Variants in SPAG16 observed in about 807,000 individuals in gnomAD.
SPAG16 encodes sperm-associated antigen 16 protein.
Under a neutral mutation model 80.4 loss-of-function variants are expected in SPAG16, and 86 were observed. The observed-to-expected ratio is 1.07, with a 90% CI of 0.90 to 1.28. The LOEUF (loss-of-function observed/expected upper bound fraction) is 1.28, where lower values mean the gene tolerates loss of function less well. SPAG16 is among the 50% of genes most tolerant of loss of function. The probability of loss-of-function intolerance (pLI) is 0.00; values close to 1 mark genes in which losing one functional copy is unlikely to be tolerated. For synonymous variants in SPAG16, 294 were observed against 265.9 expected, an observed-to-expected ratio of 1.11 and a Z score of -1.03; for missense variants, 870 against 765.3, an observed-to-expected ratio of 1.14 and a Z score of -1.61.
chr2:213,835,959 T>C (rs2074048769), intron 10 of SPAG16, among the ~76,000 whole-genome samples: 1 of 152,196 alleles, frequency 6.6e-6, no homozygotes, highest in African/African-American at 2.4e-5. Context: ...TATACCCATG[T>C]TTACTAAATT....
At chr2:213,497,194 G>A (rs561911618) in intron 10 of SPAG16, among the ~76,000 whole-genome samples, 12 of 152,112 alleles carry the variant, frequency 7.9e-5, no homozygotes, top group Non-Finnish European at 1.5e-4. Flanking sequence ...TAATATTTAT[G>A]CCATTAAATT....
intron 5 of SPAG16, among the ~76,000 whole-genome samples, chr2:213,323,617 G>T (rs1414272534): frequency 6.6e-6 from 1 of 152,100 alleles, no homozygotes; most frequent in East Asian, 1.9e-4. Context: ...TCCCACTCCT[G>T]GGTATTTATT....
chr2:214,078,995 C>A (rs182743078), intron 13 of SPAG16, among the ~76,000 whole-genome samples: 1 of 152,172 alleles, frequency 6.6e-6, no homozygotes. Context: ...GCTGGGTTAG[C>A]GCTTGGTAAC....
intron 15 of SPAG16, among the ~76,000 whole-genome samples, chr2:214,345,625 A>G (rs2126038780): frequency 6.6e-6 from 1 of 152,220 alleles, no homozygotes; most frequent in East Asian, 1.9e-4. Flanking sequence ...TATACCCCTG[A>G]AACCACTACT....
At chr2:213,593,996 C>T (rs1257204496) in intron 10 of SPAG16, among the ~76,000 whole-genome samples, 1 of 151,262 alleles carries the variant, frequency 6.6e-6, no homozygotes, top group Non-Finnish European at 1.5e-5. Flanking sequence ...AGGATGGTCT[C>T]GATATCCTGA....
chr2:213,435,166 C>G (rs2125502655), intron 9 of SPAG16, among the ~76,000 whole-genome samples: 1 of 152,298 alleles, frequency 6.6e-6, no homozygotes, highest in East Asian at 1.9e-4. Flanking sequence ...AATTGTGTCT[C>G]TTGTAGCAAC....
chr2:213,775,150 G>A (rs530921379), intron 10 of SPAG16, among the ~76,000 whole-genome samples: 2 of 152,246 alleles, frequency 1.3e-5, no homozygotes, highest in South Asian at 4.1e-4. Context: ...AGCATCCTGA[G>A]TCTCTTCTAG....
intron 10 of SPAG16, among the ~76,000 whole-genome samples, chr2:213,609,547 G>A (rs2061375416): frequency 6.6e-6 from 1 of 152,116 alleles, no homozygotes; most frequent in African/African-American, 2.4e-5. Flanking sequence ...TTGCACTCAT[G>A]AACAGCAATC....
chr2:213,624,147 G>T (rs987314774), intron 10 of SPAG16, among the ~76,000 whole-genome samples: 12 of 151,932 alleles, frequency 7.9e-5, no homozygotes, highest in African/African-American at 2.7e-4. Context: ...TCTAGATTTT[G>T]ATTATTAGTA....
intron 12 of SPAG16, among the ~76,000 whole-genome samples, chr2:213,987,688 C>T (rs950274202): frequency 1.3e-5 from 2 of 151,676 alleles, no homozygotes; most frequent in Admixed American, 6.6e-5. Flanking sequence ...GATGAAGGGA[C>T]TGTACTGGGA....
intron 15 of SPAG16, among the ~76,000 whole-genome samples, chr2:214,303,232 C>T (rs948943643): frequency 2.0e-5 from 3 of 152,128 alleles, no homozygotes; most frequent in South Asian, 4.1e-4. Context: ...GAGATTTGTA[C>T]GTACATGTGT....
Position 214,387,911 on chromosome 2 carries a change from A to G in SPAG16, c.1721-22229A>G, listed in dbSNP as rs953349639. 2.0e-5 allele frequency among the ~76,000 whole-genome samples: 3 copies of G among 152,144 alleles called. No individual in the cohort carries two copies. The South Asian group carries it at 6.2e-4, about 31-fold the overall frequency. ...TGGATTATGAGAACTACAATTCAAG[A>G]TGAGATTTGGGTGGGGACACAGCCA... On this transcript the variant is annotated intron_variant, in intron 15 of 15. Transcript: ENST00000331683.
chr2:213,632,396 C>T (rs1040682193), intron 10 of SPAG16, among the ~76,000 whole-genome samples: 1 of 152,074 alleles, frequency 6.6e-6, no homozygotes, highest in African/African-American at 2.4e-5. Flanking sequence ...TTCCAAACAT[C>T]AGATCATATC....
intron 12 of SPAG16, among the ~76,000 whole-genome samples, chr2:213,963,102 T>G (rs935075675): frequency 6.6e-5 from 10 of 151,724 alleles, no homozygotes; most frequent in Non-Finnish European, 1.3e-4. Context: ...TCTTTTTTTT[T>G]TTTTTTAATG....
intron 15 of SPAG16, among the ~76,000 whole-genome samples, chr2:214,271,436 A>G (rs1234194100): frequency 6.6e-6 from 1 of 152,154 alleles, no homozygotes; most frequent in African/African-American, 2.4e-5. Flanking sequence ...GGTTTGTTGG[A>G]AAGTTATTAT....
intron 15 of SPAG16, among the ~76,000 whole-genome samples, chr2:214,214,412 T>C (rs1326871157): frequency 6.6e-6 from 1 of 152,106 alleles, no homozygotes; most frequent in Non-Finnish European, 1.5e-5. Flanking sequence ...TCAGGTGATC[T>C]GCCTCCCTTG....
At chr2:214,008,761 T>A (rs1226472289) in intron 12 of SPAG16, among the ~76,000 whole-genome samples, 5 of 149,298 alleles carry the variant, frequency 3.3e-5, no homozygotes, top group Non-Finnish European at 7.4e-5. Flanking sequence ...AAAAAAAAAA[T>A]ACATGCTAGA....
chr2:213,421,309 G>A (rs73986835), intron 9 of SPAG16, among the ~76,000 whole-genome samples: 2,122 of 152,214 alleles, frequency 0.014, 45 homozygotes, highest in African/African-American at 0.047. Context: ...TGCTTGGGGT[G>A]GTGCCGACTC....
At chr2:214,083,392 A>G (rs191982958) in intron 13 of SPAG16, among the ~76,000 whole-genome samples, 117 of 152,196 alleles carry the variant, frequency 7.7e-4, no homozygotes, top group African/African-American at 2.8e-3. Context: ...ACCAGGCCAT[A>G]AGATCATTTT....
Sources: gnomAD v4.1 joint callset for allele counts (sites outside exome capture counted in the v4.1 genomes callset) on GRCh38, gnomAD v4.1.1 for gene constraint, MANE v1.5 for transcripts, NCBI Gene and HGNC (gene_info 2026-07-23, HGNC 2026-07-21) for gene names.